Variants in ANKRD6 observed in about 807,000 individuals in gnomAD.
ANKRD6 encodes ankyrin repeat domain 6.
ANKRD6 carries 56 observed loss-of-function variants against 82.3 expected under a neutral mutation model. The observed-to-expected ratio is 0.68, with a 90% confidence interval of 0.55 to 0.85. The LOEUF (loss-of-function observed/expected upper bound fraction) is 0.85, where lower values mean the gene tolerates loss of function less well. Ranked by LOEUF, ANKRD6 falls within the 40% of genes least tolerant of loss-of-function variation. ANKRD6 has a pLI of 0.00. For synonymous variants in ANKRD6, 347 were observed against 352.1 expected (o/e 0.99, Z 0.16); for missense variants, 852 against 907.6 (o/e 0.94, Z 0.79).
intron 2 of ANKRD6, among the ~76,000 whole-genome samples, chr6:89,568,938 T>TA (rs1253320364): frequency 1.3e-5 from 2 of 150,438 alleles, no homozygotes; most frequent in Non-Finnish European, 3.0e-5. Flanking sequence ...TATAATTTTT[T>TA]TTTTTTTTTT....
chr6:89,448,457 A>G (rs2127951160), intron 1 of ANKRD6, among the ~76,000 whole-genome samples: 1 of 151,512 alleles, frequency 6.6e-6, no homozygotes, highest in Middle Eastern at 3.4e-3. Context: ...AAAGAATTAT[A>G]CTACATCTAC....
rs754548253 is a variant in ANKRD6 at position 89,624,065 on chromosome 6, C to CCTT, written c.1218+8_1218+9insCTT. The CCTT allele has an allele frequency of 2.7e-5, 43 of 1,604,568 alleles. No individual in the cohort carries two copies. The highest frequency in any genetic ancestry group is 3.6e-5 in the Non-Finnish European group (42 of 1,175,424). ...GATGGGAAAGTGATGCAGGTACCTGCAAAGCAGTGTCAGGAGAAGGGAACA... is the reference window on the plus strand; with the variant it reads ...GATGGGAAAGTGATGCAGGTACCTGCCTTAAAGCAGTGTCAGGAGAAGGGAACA... On this transcript the variant is annotated intron_variant, in intron 12 of 15. Coordinates refer to ENST00000339746, the MANE Select transcript of ANKRD6 (RefSeq NM_001242809.2).
intron 1 of ANKRD6, among the ~76,000 whole-genome samples, chr6:89,466,971 T>G (rs1774918518): frequency 6.6e-6 from 1 of 152,182 alleles, no homozygotes; most frequent in East Asian, 1.9e-4. Context: ...CCTCCCAAAG[T>G]GCTGGGATTT....
chr6:89,629,086 T>G (rs1041659898), intron 14 of ANKRD6, 26 bp from the exon 15 acceptor site: 5 of 1,597,362 alleles, frequency 3.1e-6, no homozygotes, highest in Non-Finnish European at 3.4e-6. Flanking sequence ...ATGTACTTAT[T>G]TGTGGGGTTT....
chr6:89,597,408 T>C (rs1477733464), intron 3 of ANKRD6, among the ~76,000 whole-genome samples: 2 of 152,162 alleles, frequency 1.3e-5, no homozygotes, highest in African/African-American at 4.8e-5. Context: ...GGTGCAAACA[T>C]GTTGGGATGC....
chr6:89,490,786 G>A (rs1202958216), intron 1 of ANKRD6, among the ~76,000 whole-genome samples: 1 of 152,146 alleles, frequency 6.6e-6, no homozygotes, highest in Non-Finnish European at 1.5e-5. Context: ...GAAGGCTTCT[G>A]GGGAGAAGTG....
chr6:89,591,885 C>G (rs1396034958), intron 2 of ANKRD6, among the ~76,000 whole-genome samples: 1 of 152,194 alleles, frequency 6.6e-6, no homozygotes, highest in Non-Finnish European at 1.5e-5. Flanking sequence ...GCAGGGAACA[C>G]AGCCCCTCCT....
chr6:89,521,673 G>T (rs1303332496), intron 1 of ANKRD6, among the ~76,000 whole-genome samples: 5 of 152,148 alleles, frequency 3.3e-5, no homozygotes, highest in Admixed American at 2.0e-4. Flanking sequence ...TTAGGGCAGA[G>T]AATAGGGGTC....
intron 1 of ANKRD6, among the ~76,000 whole-genome samples, chr6:89,437,772 C>T (rs1770837537): frequency 6.6e-6 from 1 of 152,158 alleles, no homozygotes; most frequent in Non-Finnish European, 1.5e-5. Flanking sequence ...AAGTAGGTCT[C>T]TACTCATTCA....
intron 9 of ANKRD6, chr6:89,618,480 A>G (rs1802180004): frequency 2.3e-6 from 1 of 430,700 alleles, no homozygotes; most frequent in Admixed American, 4.0e-5. Flanking sequence ...CCTGCCGGAG[A>G]TAGTTAAGTA....
At chr6:89,627,381 C>T (rs756564715) in intron 13 of ANKRD6, among the ~76,000 whole-genome samples, 8 of 152,128 alleles carry the variant, frequency 5.3e-5, no homozygotes, top group Non-Finnish European at 8.8e-5. Context: ...TTTTAAAAAA[C>T]GAAACGTTGG....
chr6:89,536,582 T>C (rs970952536), intron 1 of ANKRD6, among the ~76,000 whole-genome samples: 1 of 152,246 alleles, frequency 6.6e-6, no homozygotes, highest in Non-Finnish European at 1.5e-5. Flanking sequence ...TGTTAAGGAA[T>C]GTAGCTGATT....
intron 1 of ANKRD6, among the ~76,000 whole-genome samples, chr6:89,511,272 A>G (rs1002947439): frequency 3.9e-5 from 6 of 152,210 alleles, no homozygotes; most frequent in African/African-American, 1.4e-4. Context: ...GGCCAGGGCT[A>G]TGGCTTGTAG....
intron 1 of ANKRD6, among the ~76,000 whole-genome samples, chr6:89,443,785 T>G (rs1771721047): frequency 6.6e-6 from 1 of 152,258 alleles, no homozygotes; most frequent in Non-Finnish European, 1.5e-5. Context: ...CAACCAGCAT[T>G]GAAGCCTTGC....
intron 1 of ANKRD6, among the ~76,000 whole-genome samples, chr6:89,438,993 T>A (rs1770998205): frequency 6.6e-6 from 1 of 151,084 alleles, no homozygotes; most frequent in South Asian, 2.1e-4. Context: ...TATGTATGTG[T>A]TTGTATATAT....
chr6:89,615,431 C>T (rs1253434572), intron 7 of ANKRD6, among the ~76,000 whole-genome samples: 2 of 152,202 alleles, frequency 1.3e-5, no homozygotes, highest in African/African-American at 4.8e-5. Context: ...GCATAGCCCC[C>T]ACCAACCAGT....
At chr6:89,601,030 C>T (rs975261572) in intron 3 of ANKRD6, among the ~76,000 whole-genome samples, 3 of 152,190 alleles carry the variant, frequency 2.0e-5, no homozygotes, top group African/African-American at 7.2e-5. Context: ...GGGCGAGACT[C>T]TGTCTCTAAA....
At chr6:89,518,279 G>A (rs1035826623) in intron 1 of ANKRD6, among the ~76,000 whole-genome samples, 1 of 152,128 alleles carries the variant, frequency 6.6e-6, no homozygotes, top group African/African-American at 2.4e-5. Flanking sequence ...GCGCATGCCT[G>A]TAATCCCAGC....
At chr6:89,596,282 C>T (rs1795871948) in intron 3 of ANKRD6, among the ~76,000 whole-genome samples, 1 of 152,010 alleles carries the variant, frequency 6.6e-6, no homozygotes. Flanking sequence ...CACTTCCTCT[C>T]TATTGTACAA....
Sources: gnomAD v4.1 joint callset for allele counts (sites outside exome capture counted in the v4.1 genomes callset) on GRCh38, gnomAD v4.1.1 for gene constraint, MANE v1.5 for transcripts, NCBI Gene and HGNC (gene_info 2026-07-23, HGNC 2026-07-21) for gene names.